The following NTNG1 variants were observed in gnomAD, a reference collection of about 807,000 sequenced individuals.
The protein encoded by NTNG1 is netrin G1, also known as netrin-G1.
NTNG1 carries 16 observed loss-of-function variants against 54.0 expected under a neutral mutation model. The observed-to-expected ratio is 0.30, with a 90% CI of 0.20 to 0.45. NTNG1 has a LOEUF of 0.45. Ranked by LOEUF, NTNG1 falls within the 20% of genes least tolerant of loss-of-function variation. NTNG1 has a pLI of 1.00. For synonymous variants in NTNG1, 255 were observed against 263.1 expected (o/e 0.97, Z 0.30); for missense variants, 530 against 678.7 (o/e 0.78, Z 2.43).
At position 107,336,809 on chromosome 1, in the gene NTNG1, G is replaced by C. The variant is rs117614452; in HGVS notation, c.887+11887G>C. The stretch of plus-strand genomic sequence containing the variant: ...AATCCTAATTAAAAAATGAGCAAAG[G>C]ACTTAAATAAACATTTCTCCAAAGA... On this transcript the variant is annotated intron_variant, in intron 3 of 7. Coordinates refer to ENST00000370068, the MANE Select transcript of NTNG1 (RefSeq NM_001113226.3). Among the ~76,000 whole-genome samples, 246 of 151,794 alleles carry C rather than the reference G, an allele frequency of 1.6e-3. 3 individuals are homozygous for C. The East Asian group carries it at 0.044, about 27-fold the overall frequency.
intron 7 of NTNG1, among the ~76,000 whole-genome samples, chr1:107,437,269 A>C (rs1276597131): frequency 1.3e-5 from 2 of 152,222 alleles, no homozygotes; most frequent in Admixed American, 1.3e-4. Context: ...AAAGGTAATA[A>C]ATCTAAGGAA....
rs370815306 is a variant in NTNG1, at chr1:107,361,391, A to ATATTTTTT, written c.888-33762_888-33761insATTTTTTT. Among the ~76,000 whole-genome samples, 180 of 87,968 alleles carry ATATTTTTT rather than the reference A, an allele frequency of 2.0e-3. 3 individuals carry two copies. Among genetic ancestry groups the ATATTTTTT allele is most frequent in the East Asian group, 6.2e-3 (19 of 3,052 alleles). 57.7% of individuals were successfully genotyped at this position (87,968 alleles called of 152,430 possible). A position where few individuals can be genotyped will look rare whatever the true frequency, so the allele number is the denominator to read the frequency against. On this transcript the variant is annotated intron_variant, in intron 3 of 7. Transcript: ENST00000370068. ...TATATATACATATATATATATATAT[A>ATATTTTTT]TTTTTTTTTTTTTTTGAGACACAGT...
chr1:107,233,179 T>A (rs1661183984), intron 2 of NTNG1, among the ~76,000 whole-genome samples: 1 of 152,222 alleles, frequency 6.6e-6, no homozygotes, highest in South Asian at 2.1e-4. Flanking sequence ...ATTTCAGGTC[T>A]ATATAAATAA....
At chr1:107,308,933 C>T (rs1666846264) in intron 2 of NTNG1, among the ~76,000 whole-genome samples, 1 of 152,118 alleles carries the variant, frequency 6.6e-6, no homozygotes, top group African/African-American at 2.4e-5. Flanking sequence ...GGGCTCTTTG[C>T]TTGACTGTTG....
At chr1:107,332,905 C>G (rs1668367212) in intron 3 of NTNG1, among the ~76,000 whole-genome samples, 1 of 151,908 alleles carries the variant, frequency 6.6e-6, no homozygotes, top group Non-Finnish European at 1.5e-5. Flanking sequence ...TACATCTAAA[C>G]AAGGTTAATC....
chr1:107,482,179 A>G lies in NTNG1; in HGVS notation c.*1339A>G, dbSNP rs192655471. The G allele has an allele frequency of 6.6e-6, 1 of 152,052 alleles. No individual in the cohort carries two copies. Among genetic ancestry groups the G allele is most frequent in the African/African-American group, 2.4e-5 (1 of 41,472 alleles). 9.4% of individuals were successfully genotyped at this position (152,052 alleles called of 1,614,324 possible). ...CTATTTTCACAGATTGATGGTGATC[A>G]TGTGACTCTAGGGATGCTGATCTAT... On this transcript the variant is annotated 3_prime_UTR_variant, in exon 8 of 8. Coordinates refer to ENST00000370068, the MANE Select transcript of NTNG1 (RefSeq NM_001113226.3).
chr1:107,227,392 ATGC>A (rs1216880556), intron 2 of NTNG1, among the ~76,000 whole-genome samples: 5 of 151,994 alleles, frequency 3.3e-5, no homozygotes, highest in African/African-American at 1.2e-4. Context: ...GAGCTGGAGG[ATGC>A]TGTGAGTAGT....
chr1:107,297,833 T>C (rs1666077146), intron 2 of NTNG1, among the ~76,000 whole-genome samples: 1 of 152,138 alleles, frequency 6.6e-6, no homozygotes, highest in Admixed American at 6.6e-5. Context: ...AGAAGTCACG[T>C]TTTTAGAAAT....
chr1:107,218,363 C>T (rs370964388), intron 2 of NTNG1, among the ~76,000 whole-genome samples: 1 of 152,136 alleles, frequency 6.6e-6, no homozygotes, highest in East Asian at 1.9e-4. Flanking sequence ...AGGTGAGTCT[C>T]TTGAAGACAG....
At chr1:107,397,471 C>T (rs1003849192) in intron 4 of NTNG1, among the ~76,000 whole-genome samples, 12 of 152,126 alleles carry the variant, frequency 7.9e-5, no homozygotes, top group Non-Finnish European at 1.5e-4. Flanking sequence ...ATCCCAGTTT[C>T]TCCATTTACT....
chr1:107,382,195 A>G (rs1481491939), intron 3 of NTNG1, among the ~76,000 whole-genome samples: 1 of 152,180 alleles, frequency 6.6e-6, no homozygotes, highest in Non-Finnish European at 1.5e-5. Context: ...TGGGGTGTGC[A>G]AAAGCTACAG....
intron 2 of NTNG1, among the ~76,000 whole-genome samples, chr1:107,265,874 G>A (rs1046997544): frequency 6.6e-6 from 1 of 152,170 alleles, no homozygotes; most frequent in African/African-American, 2.4e-5. Context: ...ACCAGGAGGT[G>A]AGTCTCTTTA....
At chr1:107,246,074 CAG>C (rs1662174293) in intron 2 of NTNG1, among the ~76,000 whole-genome samples, 1 of 149,856 alleles carries the variant, frequency 6.7e-6, no homozygotes, top group African/African-American at 2.4e-5. Flanking sequence ...GTTTTGGAGA[CAG>C]AGTCTTGCTC....
chr1:107,366,765 TTTC>T (rs956695575), intron 3 of NTNG1, among the ~76,000 whole-genome samples: 2 of 152,224 alleles, frequency 1.3e-5, no homozygotes, highest in Non-Finnish European at 2.9e-5. Context: ...CTTTTTATGT[TTTC>T]TTCTGAAAAA....
Position 107,411,590 on chromosome 1 carries a change from T to G in NTNG1, c.1087+3882T>G, listed in dbSNP as rs77314833. 0.011 allele frequency among the ~76,000 whole-genome samples: 1,737 copies of G among 151,714 alleles called. 66 individuals carry two copies. In the East Asian group the frequency reaches 0.16, roughly 14 times the overall value. ...CAGAGAGCTGCAGTGTTTGTTTGGG[T>G]TTTTTTTTCCCCTTTGCTTTAATAC... On this transcript the variant is annotated intron_variant, in intron 5 of 7. Transcript: ENST00000370068.
chr1:107,394,120 G>C (rs950749214), intron 3 of NTNG1, among the ~76,000 whole-genome samples: 2 of 151,860 alleles, frequency 1.3e-5, no homozygotes, highest in African/African-American at 4.8e-5. Context: ...GCCCAGGCTG[G>C]ATGCCCAGGT....
intron 2 of NTNG1, among the ~76,000 whole-genome samples, chr1:107,245,998 A>G (rs773203316): frequency 5.9e-5 from 9 of 152,302 alleles, no homozygotes; most frequent in African/African-American, 2.2e-4. Flanking sequence ...ACATCCCTAG[A>G]TTAGTAGTTT....
In NTNG1 at chr1:107,483,850, C is replaced by T. The variant is rs115247653; in HGVS notation, c.*3010C>T. ...AGGTTCAGCTATCTAGAAAGATTTG[C>T]TATTTATAGGAAGATAATGGACATG... On this transcript the variant is annotated 3_prime_UTR_variant, in exon 8 of 8. Transcript: ENST00000370068. Among the ~76,000 whole-genome samples, 1,151 of 152,196 alleles carry T rather than the reference C, an allele frequency of 7.6e-3. 8 individuals carry two copies. The highest frequency in any genetic ancestry group is 0.012 in the Non-Finnish European group (801 of 68,016).
chr1:107,176,352 G>A, intron 2 of NTNG1, among the ~76,000 whole-genome samples: 1 of 152,154 alleles, frequency 6.6e-6, no homozygotes, highest in South Asian at 2.1e-4. Flanking sequence ...TCATAGACAT[G>A]AAGAGCATAC....
Sources: allele counts gnomAD v4.1 joint callset (sites outside exome capture counted in the v4.1 genomes callset), GRCh38; gene constraint gnomAD v4.1.1; transcripts MANE v1.5; gene names NCBI Gene and HGNC (gene_info 2026-07-23, HGNC 2026-07-21).